ADAMTS16: variants seen among roughly 807,000 people sequenced by gnomAD.
The protein encoded by ADAMTS16 is ADAM metallopeptidase with thrombospondin type 1 motif 16, also known as A disintegrin and metalloproteinase with thrombospondin motifs 16.
A neutral mutation model predicts 145.8 loss-of-function variants in ADAMTS16; 94 were observed. The ratio of observed to expected loss-of-function variants is 0.64; its 90% CI spans 0.55 to 0.77. The LOEUF is 0.77. ADAMTS16 is among the 30% of genes least tolerant of loss of function. ADAMTS16 has a pLI of 0.00. For missense variants in ADAMTS16, 1,585 were observed against 1,591.5 expected (o/e 1.00, Z 0.07); for synonymous variants, 659 against 604.3 (o/e 1.09, Z -1.33).
intron 2 of ADAMTS16, among the ~76,000 whole-genome samples, chr5:5,144,082 A>T (rs1734233176): frequency 6.6e-6 from 1 of 151,972 alleles, no homozygotes; most frequent in Non-Finnish European, 1.5e-5. Flanking sequence ...CTATGTAACA[A>T]ACCTGTACGT....
At chr5:5,168,649 T>A (rs1366162) in intron 3 of ADAMTS16, among the ~76,000 whole-genome samples, 27,841 of 102,846 alleles carry the variant, frequency 0.27, 3,584 homozygotes, top group Admixed American at 0.46. Context: ...TATAATTATA[T>A]TTATATATTA....
intron 17 of ADAMTS16, among the ~76,000 whole-genome samples, chr5:5,259,144 C>T (rs1737905633): frequency 6.6e-6 from 1 of 152,198 alleles, no homozygotes; most frequent in African/African-American, 2.4e-5. Context: ...TGGGACATCA[C>T]TTCCTTTCAC....
intron 21 of ADAMTS16, among the ~76,000 whole-genome samples, chr5:5,308,094 G>A (rs1399896395): frequency 6.6e-6 from 1 of 152,162 alleles, no homozygotes; most frequent in Non-Finnish European, 1.5e-5. Flanking sequence ...ACCATAACAG[G>A]TGGCACACCC....
chr5:5,256,244 C>T (rs1223631571), intron 17 of ADAMTS16, among the ~76,000 whole-genome samples: 2 of 152,194 alleles, frequency 1.3e-5, no homozygotes, highest in Non-Finnish European at 2.9e-5. Context: ...GAGAGCGATG[C>T]TACTGACATT....
intron 10 of ADAMTS16, among the ~76,000 whole-genome samples, chr5:5,215,870 G>GTGTGTATA (rs1260354840): frequency 6.9e-5 from 7 of 101,618 alleles, no homozygotes; most frequent in African/African-American, 2.5e-4. Flanking sequence ...GTGTGTATGT[G>GTGTGTATA]TATATATATA....
In ADAMTS16 at chr5:5,262,637, C is replaced by T. The variant is rs1738071941; in HGVS notation, c.2663-20C>T. The T allele has an allele frequency of 6.2e-7, 1 of 1,608,218 alleles. No homozygotes were observed. The highest frequency in any genetic ancestry group is 1.3e-5 in the African/African-American group (1 of 74,686). On this transcript the variant is annotated intron_variant, in intron 17 of 22. Coordinates refer to ENST00000274181, the MANE Select transcript of ADAMTS16 (RefSeq NM_139056.4). ...GGCATGCATGTGAGTCTTTATTCTA[C>T]ATTTCATCCTTGCCTGCAGGACAGA... is the stretch of plus-strand genomic sequence containing the variant.
intron 20 of ADAMTS16, 91 bp from the exon 21 acceptor site, chr5:5,306,413 T>C (rs1740154279): frequency 1.8e-6 from 2 of 1,089,824 alleles, no homozygotes; most frequent in South Asian, 3.0e-5. Context: ...CTTATATAAA[T>C]GTTCAAGCAG....
intron 18 of ADAMTS16, among the ~76,000 whole-genome samples, chr5:5,264,689 G>A (rs1162369676): frequency 2.0e-5 from 3 of 152,180 alleles, no homozygotes; most frequent in Non-Finnish European, 4.4e-5. Flanking sequence ...ACCTGCCCCT[G>A]ATGTGATCGG....
At chr5:5,286,227 G>A (rs550931961) in intron 18 of ADAMTS16, among the ~76,000 whole-genome samples, 1 of 152,242 alleles carries the variant, frequency 6.6e-6, no homozygotes, top group Non-Finnish European at 1.5e-5. Context: ...CTAAAATAGA[G>A]TATTTTCTGA....
At chr5:5,262,328 T>C (rs576352459) in intron 17 of ADAMTS16, among the ~76,000 whole-genome samples, 30 of 152,222 alleles carry the variant, frequency 2.0e-4, no homozygotes, top group Non-Finnish European at 3.8e-4. Flanking sequence ...ACTGGTGTTT[T>C]CAACTATGGA....
chr5:5,252,015 T>TA (rs2126410635), intron 17 of ADAMTS16, among the ~76,000 whole-genome samples: 1 of 152,254 alleles, frequency 6.6e-6, no homozygotes, highest in South Asian at 2.1e-4. Flanking sequence ...CACGCCCGGC[T>TA]ACTTTTTGTA....
At chr5:5,254,085 C>T (rs59753244) in intron 17 of ADAMTS16, among the ~76,000 whole-genome samples, 3,494 of 152,282 alleles carry the variant, frequency 0.023, 113 homozygotes, top group African/African-American at 0.076. Context: ...TTCACACTGT[C>T]TTGGCAACAG....
rs1367062278 is a variant in ADAMTS16 at position 5,187,580 on chromosome 5, A to G, written c.964-145A>G. ...AGCTTCGGCTTTTTACCGTGATATG[A>G]TTAATACATCTGTCTGCCTAGCAAT... On this transcript the variant is annotated intron_variant, in intron 5 of 22. Coordinates refer to ENST00000274181, the MANE Select transcript of ADAMTS16 (RefSeq NM_139056.4). 3.6e-5 allele frequency: 24 copies of G among 667,772 alleles called. No individual in the cohort carries two copies. The East Asian group carries it at 6.7e-4, about 19-fold the overall frequency. The allele number at this position is 667,772 out of a possible 1,614,324, so 41.4% of individuals were successfully genotyped here.
rs1737234915 is a variant in ADAMTS16 at position 5,239,880 on chromosome 5, G to T, written c.2478G>T (p.Glu826Asp). Residue 826 changes from glutamate to aspartate, a missense_variant, in exon 16 of 23, where the codon GAG becomes GAT. Glu to Asp is a conservative substitution (Grantham distance 45, BLOSUM62 2). This residue lies in a region of ADAMTS16 where 834 missense variants were observed against 811.7 expected (regional missense o/e 1.03). Coordinates refer to ENST00000274181, the MANE Select transcript of ADAMTS16 (RefSeq NM_139056.4). ...ACAGACGGTCCTATAATGAGCCCGAGAACTTAATCGCTACTGGACCAACCA... is the reference window on the plus strand; with the variant it reads ...ACAGACGGTCCTATAATGAGCCCGATAACTTAATCGCTACTGGACCAACCA... ...FDYRRSYNEP[E>D]NLIATGPTNE... The T allele has an allele frequency of 6.2e-7, 1 of 1,614,080 alleles. No individual in the cohort carries two copies. The highest frequency in any genetic ancestry group is 8.5e-7 in the Non-Finnish European group (1 of 1,180,026).
Position 5,200,702 on chromosome 5 carries a change from C to T in ADAMTS16, c.1451+433C>T, listed in dbSNP as rs371719477. 5.9e-5 allele frequency among the ~76,000 whole-genome samples: 9 copies of T among 151,446 alleles called. No individual in the cohort carries two copies. The East Asian group carries it at 9.8e-4, about 16-fold the overall frequency. Reference sequence around the variant, plus strand: ...TTCTTTCTTTTCCTTCCTTCCTTTTCTTTCTTTCTTTTTCTTCCTTTCTCT... The same window carrying T: ...TTCTTTCTTTTCCTTCCTTCCTTTTTTTTCTTTCTTTTTCTTCCTTTCTCT... On this transcript the variant is annotated intron_variant, in intron 9 of 22. Transcript: ENST00000274181.
intron 4 of ADAMTS16, among the ~76,000 whole-genome samples, chr5:5,183,855 T>C (rs1475866697): frequency 6.6e-6 from 1 of 152,204 alleles, no homozygotes; most frequent in Non-Finnish European, 1.5e-5. Context: ...AGGCAGTTAT[T>C]TCAAAAAGGA....
At chr5:5,222,343 G>T (rs144612371) in intron 10 of ADAMTS16, among the ~76,000 whole-genome samples, 5 of 151,942 alleles carry the variant, frequency 3.3e-5, no homozygotes, top group Non-Finnish European at 7.4e-5. Flanking sequence ...ATGGATGGAT[G>T]GATGGATGGA....
intron 14 of ADAMTS16, among the ~76,000 whole-genome samples, chr5:5,238,516 C>T (rs1383750611): frequency 2.0e-5 from 3 of 152,090 alleles, no homozygotes; most frequent in East Asian, 1.9e-4. Context: ...AATTAAAAAA[C>T]ACTGTAAGTT....
At chr5:5,243,002 T>C (rs1345298010) in intron 17 of ADAMTS16, among the ~76,000 whole-genome samples, 3 of 152,198 alleles carry the variant, frequency 2.0e-5, no homozygotes, top group African/African-American at 7.2e-5. Flanking sequence ...CAATATTATG[T>C]TTAAGTAAAA....
Sources: gnomAD v4.1 joint callset for allele counts (sites outside exome capture counted in the v4.1 genomes callset) on GRCh38, gnomAD v4.1.1 for gene constraint, gnomAD v4.1.1 regional missense constraint, MANE v1.5 for transcripts, NCBI Gene and HGNC (gene_info 2026-07-23, HGNC 2026-07-21) for gene names.